Variants in ADGRD1 observed in about 807,000 individuals in gnomAD.
ADGRD1 encodes adhesion G protein-coupled receptor D1.
A neutral mutation model predicts 113.4 loss-of-function variants in ADGRD1; 77 were observed. That is an observed-to-expected ratio of 0.68 (90% CI 0.57 to 0.82). The LOEUF (loss-of-function observed/expected upper bound fraction) is 0.82. Among genes scored for constraint, ADGRD1 ranks in the 40% least tolerant of loss-of-function variants. ADGRD1 has a pLI of 0.00. For missense variants in ADGRD1, 1,036 were observed against 1,139.1 expected (o/e 0.91, Z 1.30); for synonymous variants, 474 against 475.0 (o/e 1.00, Z 0.03).
chr12:131,071,378 T>C (rs1885157504), intron 13 of ADGRD1, among the ~76,000 whole-genome samples: 1 of 150,878 alleles, frequency 6.6e-6, no homozygotes, highest in Admixed American at 6.6e-5. Flanking sequence ...GGTGGAGCCA[T>C]GTGCAAGGAA....
intron 20 of ADGRD1, among the ~76,000 whole-genome samples, chr12:131,121,714 A>G (rs1348575078): frequency 6.6e-6 from 1 of 152,166 alleles, no homozygotes; most frequent in Non-Finnish European, 1.5e-5. Context: ...GGGGATTTAC[A>G]GGTTCCTGAG....
intron 13 of ADGRD1, among the ~76,000 whole-genome samples, chr12:131,018,057 C>T (rs143466053): frequency 1.3e-5 from 2 of 152,176 alleles, no homozygotes; most frequent in Admixed American, 6.5e-5. Context: ...CTTGCAGGGC[C>T]GGCAGGTAGG....
chr12:131,124,859 C>T (rs927482511), intron 20 of ADGRD1, among the ~76,000 whole-genome samples: 13 of 152,182 alleles, frequency 8.5e-5, no homozygotes, highest in Non-Finnish European at 1.5e-4. Flanking sequence ...GCCATAGGCC[C>T]GTTATTCCCT....
At chr12:131,095,676 G>A (rs1454184606) in intron 15 of ADGRD1, among the ~76,000 whole-genome samples, 1 of 152,242 alleles carries the variant, frequency 6.6e-6, no homozygotes, top group Non-Finnish European at 1.5e-5. Context: ...CGGGGCAGCT[G>A]TGGGCTGCAA....
At chr12:131,089,024 C>T (rs1032085442) in intron 15 of ADGRD1, among the ~76,000 whole-genome samples, 2 of 152,208 alleles carry the variant, frequency 1.3e-5, no homozygotes, top group Non-Finnish European at 2.9e-5. Context: ...AGACCACCCT[C>T]TGAGCAGCCC....
At chr12:131,014,674 TACC>T (rs1203392340) in intron 13 of ADGRD1, among the ~76,000 whole-genome samples, 3 of 152,228 alleles carry the variant, frequency 2.0e-5, no homozygotes, top group Non-Finnish European at 4.4e-5. Flanking sequence ...CCATCCCAGT[TACC>T]ATGTGTGTTA....
intron 13 of ADGRD1, among the ~76,000 whole-genome samples, chr12:131,074,653 G>A (rs901108038): frequency 6.6e-6 from 1 of 152,214 alleles, no homozygotes; most frequent in Non-Finnish European, 1.5e-5. Context: ...CTGGGAGCCC[G>A]GGAGGCCCCC....
In ADGRD1 at chr12:130,954,247, T is replaced by A; in HGVS notation, c.-219T>A. On this transcript the variant is annotated 5_prime_UTR_variant, in exon 1 of 25. Coordinates refer to ENST00000261654, the MANE Select transcript of ADGRD1 (RefSeq NM_198827.5). This position sits in a 1 kb window ranked among gnomAD's most constrained non-coding sequence, Gnocchi z 4.7. The stretch of plus-strand genomic sequence containing the variant: ...CAGCTGCTCTGGTCATCGCAACGTG[T>A]TTATTGATCACTGAAGAATCTCAAG... 2.1e-6 allele frequency: 1 copy of A among 480,578 alleles called. No homozygotes were observed. Among genetic ancestry groups the A allele is most frequent in the Non-Finnish European group, 3.6e-6 (1 of 275,814 alleles). 29.8% of individuals were successfully genotyped at this position (480,578 alleles called of 1,614,324 possible).
intron 2 of ADGRD1, among the ~76,000 whole-genome samples, chr12:130,960,015 C>A (rs950440): frequency 0.42 from 63,682 of 151,982 alleles, 13,409 homozygotes; most frequent in Middle Eastern, 0.56. Flanking sequence ...TTTTCCAGGG[C>A]CTCAGGCGGC....
In ADGRD1 at chr12:131,084,724, G is replaced by T; in HGVS notation, c.1671+61G>T. ...GGACGTACCATGAGGCTGCAGGTGGGGGCGGGAGGATGCTTTGCCCGCCAG... is the reference window on the plus strand; with the variant it reads ...GGACGTACCATGAGGCTGCAGGTGGTGGCGGGAGGATGCTTTGCCCGCCAG... On this transcript the variant is annotated intron_variant, in intron 15 of 24. Transcript: ENST00000261654. This position sits in a 1 kb window ranked among gnomAD's most constrained non-coding sequence, Gnocchi z 4.5. The T allele has an allele frequency of 1.3e-6, 2 of 1,585,060 alleles. No individual in the cohort carries two copies. Among genetic ancestry groups the T allele is most frequent in the Non-Finnish European group, 1.7e-6 (2 of 1,164,282 alleles).
intron 13 of ADGRD1, among the ~76,000 whole-genome samples, chr12:131,065,067 C>T (rs1884608215): frequency 6.6e-6 from 1 of 152,214 alleles, no homozygotes; most frequent in Non-Finnish European, 1.5e-5. Flanking sequence ...CTCCCTTCTC[C>T]ACTCTCAGAA....
At chr12:131,026,045 T>C (rs1385534207) in intron 13 of ADGRD1, 4 of 152,270 alleles carry the variant, frequency 2.6e-5, no homozygotes, top group African/African-American at 9.6e-5. Flanking sequence ...TTCATGTCAA[T>C]TGCGCCAGTG....
chr12:131,079,881 A>G (rs752000554), intron 14 of ADGRD1, among the ~76,000 whole-genome samples: 3 of 151,922 alleles, frequency 2.0e-5, no homozygotes, highest in Non-Finnish European at 2.9e-5. Context: ...CACTCTTACT[A>G]TAGGTTTATT....
chr12:131,099,141 C>T (rs1489547411), intron 15 of ADGRD1, among the ~76,000 whole-genome samples: 2 of 152,208 alleles, frequency 1.3e-5, no homozygotes, highest in African/African-American at 2.4e-5. Context: ...ACAAGACAGT[C>T]GACCTGTCTT....
In ADGRD1 at chr12:131,003,414, C is replaced by G; in HGVS notation, c.1144+112C>G. 2 of 807,756 alleles carry G rather than the reference C, an allele frequency of 2.5e-6. No individual in the cohort carries two copies. Among genetic ancestry groups the G allele is most frequent in the Non-Finnish European group, 4.2e-6 (2 of 476,536 alleles). The allele number at this position is 807,756 out of a possible 1,614,324, so 50.0% of individuals were successfully genotyped here. On this transcript the variant is annotated intron_variant, in intron 10 of 24. Coordinates refer to ENST00000261654, the MANE Select transcript of ADGRD1 (RefSeq NM_198827.5). The surrounding 1 kb of genome is among the most constrained non-coding windows in gnomAD (Gnocchi z 4.8). ...AGAGAGCCATGCTCTGTCTCCCTGA[C>G]TGCTCTGCCTGGCACAAACCACATT...
intron 13 of ADGRD1, chr12:131,070,608 G>C (rs951125480): frequency 3.5e-6 from 1 of 287,616 alleles, no homozygotes; most frequent in Admixed American, 4.1e-5. Flanking sequence ...TGCGGGAGAC[G>C]AGTGGAGGCT....
chr12:131,089,550 A>C (rs372652617), intron 15 of ADGRD1, among the ~76,000 whole-genome samples: 154 of 151,980 alleles, frequency 1.0e-3, no homozygotes, highest in African/African-American at 3.3e-3. Flanking sequence ...CCTGCCTGCA[A>C]GTGCTCCCTG....
In ADGRD1 at chr12:131,096,582, C is replaced by T. The variant is rs930617796; in HGVS notation, c.1672-8249C>T. 2.6e-5 allele frequency among the ~76,000 whole-genome samples: 4 copies of T among 152,196 alleles called. No homozygotes were observed. Among genetic ancestry groups the T allele is most frequent in the African/African-American group, 9.7e-5 (4 of 41,438 alleles). On this transcript the variant is annotated intron_variant, in intron 15 of 24. Transcript: ENST00000261654. This position sits in a 1 kb window ranked among gnomAD's most constrained non-coding sequence, Gnocchi z 5.2. The stretch of plus-strand genomic sequence containing the variant: ...TAACCAGCATCCTATGCACACATCC[C>T]GCCTCCATCTGTGAGGATGGGTTCC...
In ADGRD1 at chr12:131,105,810, C is replaced by T. The variant is rs781092002; in HGVS notation, c.1832C>T (p.Ala611Val). 6.2e-7 allele frequency: 1 copy of T among 1,601,138 alleles called. No homozygotes were observed. Among genetic ancestry groups the T allele is most frequent in the Non-Finnish European group, 8.5e-7 (1 of 1,179,952 alleles). The change falls in exon 17 of 25, where the codon GCC becomes GTC. Residue 611 changes from alanine (A) to valine (V), a missense_variant. Physicochemically the swap from Ala to Val is moderately conservative, Grantham distance 64. Coordinates refer to ENST00000261654, the MANE Select transcript of ADGRD1 (RefSeq NM_198827.5). ...RYHIHANLSF[A>V]VLVAQVLLLI... is the part of the protein sequence containing the mutation. ...CACATCCACGCCAACCTGTCCTTCG[C>T]CGTGCTGGTGGCCCAGGTCCTGCTG...
Sources: allele counts gnomAD v4.1 joint callset (sites outside exome capture counted in the v4.1 genomes callset), GRCh38; gene constraint gnomAD v4.1.1; non-coding constraint Gnocchi (gnomAD v3.1); transcripts MANE v1.5; gene names NCBI Gene and HGNC (gene_info 2026-07-23, HGNC 2026-07-21).